Variants in AKR1C8 observed in about 807,000 individuals in gnomAD.
AKR1C8 encodes aldo-keto reductase family 1 member C8.
chr10:5,177,285 G>T, the AKR1C8 span, among the ~76,000 whole-genome samples: 1 of 151,992 alleles, frequency 6.6e-6, no homozygotes, highest in Middle Eastern at 3.4e-3. Flanking sequence ...TACATTTATT[G>T]ATTTGCATAT....
the AKR1C8 span, among the ~76,000 whole-genome samples, chr10:5,182,672 G>T: frequency 6.6e-6 from 1 of 152,090 alleles, no homozygotes; most frequent in African/African-American, 2.4e-5. Context: ...CACTTTGGGA[G>T]GCCGAGGCAG....
chr10:5,181,800 A>G, the AKR1C8 span, among the ~76,000 whole-genome samples: 1 of 152,178 alleles, frequency 6.6e-6, no homozygotes, highest in Non-Finnish European at 1.5e-5. Context: ...AGCTACAACT[A>G]CCCTGGACAT....
chr10:5,127,746 A>G, the AKR1C8 span, among the ~76,000 whole-genome samples: 20 of 142,980 alleles, frequency 1.4e-4, no homozygotes, highest in African/African-American at 2.9e-4. Flanking sequence ...AAAAAAAAAA[A>G]AAAGAAATGA....
At chr10:5,142,024 T>G in the AKR1C8 span, among the ~76,000 whole-genome samples, 1 of 152,146 alleles carries the variant, frequency 6.6e-6, no homozygotes, top group East Asian at 1.9e-4. Context: ...GATTGCTTAT[T>G]GTAGTCGCTT....
chr10:5,178,279 G>T, the AKR1C8 span, among the ~76,000 whole-genome samples: 1 of 152,184 alleles, frequency 6.6e-6, no homozygotes. Context: ...TTTCCATGTA[G>T]TTGAGCAGTT....
At chr10:5,121,112 C>T in the AKR1C8 span, among the ~76,000 whole-genome samples, 1 of 152,012 alleles carries the variant, frequency 6.6e-6, no homozygotes, top group Non-Finnish European at 1.5e-5. Flanking sequence ...AAATCTCTGT[C>T]GGGTGCAAAC....
chr10:5,173,878 C>A, the AKR1C8 span, among the ~76,000 whole-genome samples: 1 of 152,016 alleles, frequency 6.6e-6, no homozygotes, highest in African/African-American at 2.4e-5. Flanking sequence ...TATTCTCAGT[C>A]AACTAAATTA....
At chr10:5,158,025 A>G in the AKR1C8 span, among the ~76,000 whole-genome samples, 2 of 152,224 alleles carry the variant, frequency 1.3e-5, no homozygotes, top group Non-Finnish European at 2.9e-5. Flanking sequence ...AGTTATCCAT[A>G]CCCTGGAATA....
the AKR1C8 span, among the ~76,000 whole-genome samples, chr10:5,131,112 G>A: frequency 6.6e-6 from 1 of 152,002 alleles, no homozygotes; most frequent in African/African-American, 2.4e-5. Context: ...ATGGTGCTGG[G>A]ATAACTGGTA....
the AKR1C8 span, among the ~76,000 whole-genome samples, chr10:5,123,053 T>C: frequency 6.6e-6 from 1 of 152,208 alleles, no homozygotes; most frequent in African/African-American, 2.4e-5. Flanking sequence ...CAACTTAATG[T>C]TGAAACCCAA....
the AKR1C8 span, among the ~76,000 whole-genome samples, chr10:5,165,707 C>G: frequency 6.6e-6 from 1 of 152,138 alleles, no homozygotes; most frequent in Admixed American, 6.6e-5. Context: ...CAGTCTCATT[C>G]TCTAGAAATT....
chr10:5,139,438 A>T, the AKR1C8 span, among the ~76,000 whole-genome samples: 3 of 152,132 alleles, frequency 2.0e-5, no homozygotes, highest in Non-Finnish European at 4.4e-5. Context: ...ACATGGTACT[A>T]GTACCAAAAC....
chr10:5,157,800 C>G, the AKR1C8 span: 4 of 469,886 alleles, frequency 8.5e-6, no homozygotes, highest in Admixed American at 9.4e-5. Context: ...CGGGATCCAC[C>G]CTGTTGGGGA....
the AKR1C8 span, among the ~76,000 whole-genome samples, chr10:5,161,089 T>A: frequency 6.6e-6 from 1 of 152,090 alleles, no homozygotes; most frequent in Non-Finnish European, 1.5e-5. Context: ...GTAAATGTGT[T>A]TGCATGCATG....
the AKR1C8 span, among the ~76,000 whole-genome samples, chr10:5,135,558 C>CT: frequency 1.3e-5 from 2 of 150,832 alleles, no homozygotes; most frequent in African/African-American, 4.9e-5. Context: ...ATCTATCTAT[C>CT]ATCTATCATC....
chr10:5,170,513 CTTT>C, the AKR1C8 span, among the ~76,000 whole-genome samples: 16 of 152,032 alleles, frequency 1.1e-4, no homozygotes, highest in East Asian at 2.9e-3. Context: ...GAGATAAGGC[CTTT>C]TTAAAGCCAA....
At chr10:5,163,241 G>C in the AKR1C8 span, among the ~76,000 whole-genome samples, 1 of 152,110 alleles carries the variant, frequency 6.6e-6, no homozygotes, top group Non-Finnish European at 1.5e-5. Context: ...CTGGAGCATG[G>C]AAAAATCATG....
the AKR1C8 span, among the ~76,000 whole-genome samples, chr10:5,153,621 G>C: frequency 6.6e-6 from 1 of 152,158 alleles, no homozygotes. Context: ...TGGAAGGCAA[G>C]GGGGAGCAGA....
chr10:5,121,851 CA>C, the AKR1C8 span, among the ~76,000 whole-genome samples: 41 of 151,908 alleles, frequency 2.7e-4, no homozygotes, highest in African/African-American at 9.2e-4. Context: ...GTGAGGGCAT[CA>C]AAAAAAGTGA....
Sources: gnomAD v4.1 joint callset for allele counts (sites outside exome capture counted in the v4.1 genomes callset) on GRCh38, gnomAD v4.1.1 for gene constraint, MANE v1.5 for transcripts, NCBI Gene and HGNC (gene_info 2026-07-23, HGNC 2026-07-21) for gene names.